The following SLAMF9 variants were observed in gnomAD, a reference collection of about 807,000 sequenced individuals.
SLAMF9 encodes the protein CD2 family member 10.
SLAMF9 carries 25 observed loss-of-function variants against 30.4 expected under a neutral mutation model. The observed-to-expected ratio is 0.82, with a 90% CI of 0.60 to 1.15. The LOEUF (loss-of-function observed/expected upper bound fraction) is 1.15. Among genes scored for constraint, SLAMF9 ranks in the 50% most tolerant of loss-of-function variants. The pLI is 0.00. For missense variants in SLAMF9, 344 were observed against 346.1 expected, an observed-to-expected ratio of 0.99 and a Z score of 0.05; for synonymous variants, 129 against 127.2, an observed-to-expected ratio of 1.01 and a Z score of -0.09.
the SLAMF9 span, chr1:159,973,694 G>A: frequency 5.5e-4 from 584 of 1,067,678 alleles, 7 homozygotes; most frequent in African/African-American, 7.1e-3. Flanking sequence ...CCAGCATGAG[G>A]GGCAGCCAGA....
chr1:159,953,512 G>C lies in SLAMF9; in HGVS notation c.188C>G (p.Thr63Ser), dbSNP rs750333555. ...ATGTCCCTCTTTCCCTGGCACCACA[G>C]TGGCAAGACTTTTGTGAGAGGACCA... Reference protein sequence around the residue: ...IIWSSHKSLATVVPGKEGHPA... With the variant: ...IIWSSHKSLASVVPGKEGHPA... Residue 63 changes from threonine (T) to serine (S), a missense_variant, in exon 2 of 4, where the codon ACT (threonine) becomes AGT (serine). By Grantham distance (58) the Thr-to-Ser change is moderately conservative. Transcript: ENST00000368093. 6.2e-7 allele frequency: 1 copy of C among 1,614,212 alleles called. No individual in the cohort carries two copies. The highest frequency in any genetic ancestry group is 1.1e-5 in the South Asian group (1 of 91,086).
At position 159,953,632 on chromosome 1, in the gene SLAMF9, C is replaced by T; in HGVS notation, c.68G>A (p.Arg23Lys). ...LQEGSQRRLWRWCGSEEVVAV... is the reference protein window; with the variant it reads ...LQEGSQRRLWKWCGSEEVVAV... ...AACCACTTCCTCGGATCCACACCAT[C>T]TCCAGAGTCTCCTTTGGCTGCCTAT... The change falls in exon 2 of 4, where the codon AGA becomes AAA. Residue 23 changes from arginine (R) to lysine (K), a missense_variant. By Grantham distance (26) the Arg-to-Lys change is conservative. Coordinates refer to ENST00000368093, the MANE Select transcript of SLAMF9 (RefSeq NM_033438.4). The T allele has an allele frequency of 6.2e-7, 1 of 1,604,734 alleles. No individual in the cohort carries two copies.
rs1299093932 is a variant in SLAMF9 at position 159,951,710 on chromosome 1, T to C, written c.821A>G (p.Asn274Ser). 2 of 1,614,220 alleles carry C rather than the reference T, an allele frequency of 1.2e-6. No individual in the cohort carries two copies. Among genetic ancestry groups the C allele is most frequent in the African/African-American group, 2.7e-5 (2 of 75,048 alleles). Residue 274 changes from asparagine to serine, a missense_variant, in exon 4 of 4, where the codon AAC (asparagine) becomes AGC (serine). Physicochemically the swap from Asn to Ser is conservative, Grantham distance 46. Transcript: ENST00000368093. ...TGCCTCCTTCCTCAATTTCATTCTG[T>C]TTCTCATGAGTTTCTTCATCCTTGG... ...KMPRMKKLMR[N>S]RMKLRKEAKP...
At chr1:159,972,785 C>T in the SLAMF9 span, 1 of 684,888 alleles carries the variant, frequency 1.5e-6, no homozygotes, top group Non-Finnish European at 2.1e-6. Context: ...CCACATCTTC[C>T]ACAGCAGGGT....
upstream of SLAMF9, among the ~76,000 whole-genome samples, chr1:159,955,244 A>C (rs764599732): frequency 1.3e-5 from 2 of 152,218 alleles, no homozygotes; most frequent in African/African-American, 4.8e-5. Flanking sequence ...GATCAGGGTT[A>C]TTAAATAGCT....
the SLAMF9 span, among the ~76,000 whole-genome samples, chr1:159,967,107 T>C: frequency 2.6e-5 from 4 of 152,226 alleles, no homozygotes; most frequent in South Asian, 2.1e-4. Context: ...AGTAGTTTTA[T>C]AGTGTCAAGT....
At chr1:159,964,062 A>AAAAC in the SLAMF9 span, among the ~76,000 whole-genome samples, 16 of 152,316 alleles carry the variant, frequency 1.1e-4, no homozygotes, top group South Asian at 2.7e-3. Context: ...TCTGTCTCAA[A>AAAAC]AAACAAACAA....
the SLAMF9 span, among the ~76,000 whole-genome samples, chr1:159,969,483 C>G: frequency 6.6e-6 from 1 of 152,268 alleles, no homozygotes; most frequent in South Asian, 2.1e-4. Context: ...GAGGGAGTAT[C>G]CCATCTCAGC....
the SLAMF9 span, among the ~76,000 whole-genome samples, chr1:159,972,214 G>A: frequency 1.3e-5 from 2 of 152,140 alleles, no homozygotes; most frequent in African/African-American, 2.4e-5. Context: ...TCTGGCCCCC[G>A]CCTCGCCCCT....
chr1:159,961,604 G>A, the SLAMF9 span, among the ~76,000 whole-genome samples: 5 of 152,186 alleles, frequency 3.3e-5, no homozygotes, highest in Admixed American at 3.3e-4. Flanking sequence ...AGAACTGTAA[G>A]CGTCTGCAAA....
At chr1:159,973,733 A>T in the SLAMF9 span, 1 of 1,443,870 alleles carries the variant, frequency 6.9e-7, no homozygotes, top group Non-Finnish European at 9.7e-7. Context: ...AGAGCTACTG[A>T]TCTCTAGAGA....
intron 1 of SLAMF9, 141 bp downstream of exon 1, chr1:159,953,951 C>T: frequency 9.9e-7 from 1 of 1,010,080 alleles, no homozygotes; most frequent in Non-Finnish European, 1.5e-6. Context: ...TGCCCTGAAG[C>T]CACACACCCT....
the SLAMF9 span, among the ~76,000 whole-genome samples, chr1:159,961,895 A>G: frequency 2.6e-5 from 4 of 152,204 alleles, no homozygotes; most frequent in South Asian, 8.3e-4. Flanking sequence ...GTGGCGGCTC[A>G]TGCCTATAAT....
Position 159,951,760 on chromosome 1 carries a change from G to A in SLAMF9, c.771C>T (p.Ile257=), listed in dbSNP as rs1435676384. The change falls in exon 4 of 4, where the codon ATC becomes ATT. Residue 257 remains isoleucine, a synonymous_variant. Transcript: ENST00000368093. ...LVILAMGLWV[I]RVQKRHKMPR... ...GCATTTTGTGTCTTTTCTGGACTCGGATGACCCAGAGTCCCATGGCCAGAA... is the reference window on the plus strand; with the variant it reads ...GCATTTTGTGTCTTTTCTGGACTCGAATGACCCAGAGTCCCATGGCCAGAA... 1.2e-6 allele frequency: 2 copies of A among 1,614,162 alleles called. No individual in the cohort carries two copies. Among genetic ancestry groups the A allele is most frequent in the Non-Finnish European group, 8.5e-7 (1 of 1,180,022 alleles).
chr1:159,969,405 C>T, the SLAMF9 span, among the ~76,000 whole-genome samples: 1 of 152,178 alleles, frequency 6.6e-6, no homozygotes. Flanking sequence ...ATCCATGCAA[C>T]CTTTCCTCAA....
At chr1:159,962,966 T>C in the SLAMF9 span, among the ~76,000 whole-genome samples, 5 of 152,048 alleles carry the variant, frequency 3.3e-5, no homozygotes, top group Non-Finnish European at 5.9e-5. Context: ...CAGCTAAACT[T>C]TAAGAGTTCA....
At chr1:159,955,307 T>C (rs183796694), upstream of SLAMF9, among the ~76,000 whole-genome samples, 1 of 152,300 alleles carries the variant, frequency 6.6e-6, no homozygotes, top group African/African-American at 2.4e-5. Flanking sequence ...GAAAGTAGCT[T>C]CTGTCCCTAG....
At chr1:159,981,001 G>A in the SLAMF9 span, among the ~76,000 whole-genome samples, 1 of 152,240 alleles carries the variant, frequency 6.6e-6, no homozygotes, top group African/African-American at 2.4e-5. Context: ...CTCTTGATGT[G>A]TGAGAGGGCA....
chr1:159,976,391 C>G, the SLAMF9 span, among the ~76,000 whole-genome samples: 2 of 152,012 alleles, frequency 1.3e-5, 1 homozygote, highest in South Asian at 4.2e-4. Flanking sequence ...AGTGCACCTC[C>G]ATTTGTATAT....
Sources: gnomAD v4.1 joint callset for allele counts (sites outside exome capture counted in the v4.1 genomes callset) on GRCh38, gnomAD v4.1.1 for gene constraint, MANE v1.5 for transcripts, NCBI Gene and HGNC (gene_info 2026-07-23, HGNC 2026-07-21) for gene names.